Variants in AKAP6 observed in about 807,000 individuals in gnomAD.
AKAP6 encodes A-kinase anchoring protein 6.
A neutral mutation model predicts 188.5 loss-of-function variants in AKAP6; 58 were observed. The ratio of observed to expected loss-of-function variants is 0.31; its 90% CI spans 0.25 to 0.38. The LOEUF is 0.38. Among genes scored for constraint, AKAP6 ranks in the 10% least tolerant of loss-of-function variants. AKAP6 has a pLI of 1.00. For missense variants in AKAP6, 2,710 were observed against 2,740.0 expected (o/e 0.99, Z 0.24); for synonymous variants, 989 against 998.6 (o/e 0.99, Z 0.18).
chr14:32,585,972 A>G (rs141179576), intron 5 of AKAP6, among the ~76,000 whole-genome samples: 236 of 152,242 alleles, frequency 1.6e-3, no homozygotes, highest in African/African-American at 5.6e-3. Flanking sequence ...TCTGGGGGCA[A>G]TGGGGACTCA....
chr14:32,388,808 T>A (rs994888957), intron 1 of AKAP6, among the ~76,000 whole-genome samples: 1 of 152,162 alleles, frequency 6.6e-6, no homozygotes, highest in Admixed American at 6.5e-5. Flanking sequence ...CATGCACTGT[T>A]GAATAGAATG....
chr14:32,366,538 A>G (rs182716412), intron 1 of AKAP6, among the ~76,000 whole-genome samples: 50 of 152,300 alleles, frequency 3.3e-4, no homozygotes, highest in Admixed American at 1.9e-3. Flanking sequence ...TTAGAATACT[A>G]TTGTGAGAGT....
At chr14:32,763,238 TTC>T (rs1234778108) in intron 11 of AKAP6, among the ~76,000 whole-genome samples, 2 of 152,260 alleles carry the variant, frequency 1.3e-5, no homozygotes, top group South Asian at 2.1e-4. Flanking sequence ...CATTCTCTGT[TTC>T]TGACTTGCAA....
intron 1 of AKAP6, among the ~76,000 whole-genome samples, chr14:32,368,162 G>T (rs929157094): frequency 6.6e-6 from 1 of 151,826 alleles, no homozygotes; most frequent in Non-Finnish European, 1.5e-5. Context: ...CCTCCTGATT[G>T]CTTTTCTCTG....
chr14:32,698,082 T>C lies in AKAP6; in HGVS notation c.3000+1972T>C, dbSNP rs58047426. On this transcript the variant is annotated intron_variant, in intron 9 of 13. Transcript: ENST00000280979. ...AAACCAGTAGAAAATGCTGCTAGTC[T>C]GTAGGGTCTTTCTTTATGTGCACTC... Among the ~76,000 whole-genome samples, 386 of 152,270 alleles carry C rather than the reference T, an allele frequency of 2.5e-3. 2 individuals carry two copies. The highest frequency in any genetic ancestry group is 9.0e-3 in the African/African-American group (372 of 41,560).
intron 1 of AKAP6, among the ~76,000 whole-genome samples, chr14:32,338,036 G>A (rs1886770430): frequency 6.6e-6 from 1 of 151,418 alleles, no homozygotes; most frequent in Non-Finnish European, 1.5e-5. Context: ...AACAAGACAC[G>A]TTTTACTCTG....
At position 32,559,147 on chromosome 14, in the gene AKAP6, G is replaced by A. The variant is rs548139537; in HGVS notation, c.2346+12148G>A. On this transcript the variant is annotated intron_variant, in intron 4 of 13. Transcript: ENST00000280979. ...AATGAGTAGTTAAGGGAATGAGTAA[G>A]TGAACGTATCATTGAGTTTGAACTT... Among the ~76,000 whole-genome samples the A allele has an allele frequency of 3.3e-5, 5 of 152,320 alleles. No homozygotes were observed. In the South Asian group the frequency reaches 1.0e-3, roughly 32 times the overall value.
intron 12 of AKAP6, among the ~76,000 whole-genome samples, chr14:32,812,394 A>C (rs1409644047): frequency 6.6e-6 from 1 of 152,018 alleles, no homozygotes; most frequent in African/African-American, 2.4e-5. Flanking sequence ...ATTTTTAAAA[A>C]ATTCATTTTA....
intron 2 of AKAP6, among the ~76,000 whole-genome samples, chr14:32,461,340 A>G (rs1479993899): frequency 6.6e-6 from 1 of 152,190 alleles, no homozygotes; most frequent in Non-Finnish European, 1.5e-5. Context: ...GGCTAACATC[A>G]GGCCAGTGCC....
chr14:32,774,770 A>G (rs1324584549), intron 12 of AKAP6, among the ~76,000 whole-genome samples: 1 of 152,186 alleles, frequency 6.6e-6, no homozygotes, highest in Non-Finnish European at 1.5e-5. Flanking sequence ...ACATACATAC[A>G]TACATAGAAT....
intron 2 of AKAP6, among the ~76,000 whole-genome samples, chr14:32,502,986 T>G (rs1047113950): frequency 6.6e-6 from 1 of 152,170 alleles, no homozygotes; most frequent in African/African-American, 2.4e-5. Context: ...ATATAGTATA[T>G]GCATTTGGAA....
chr14:32,635,203 G>A (rs190772321), intron 7 of AKAP6, among the ~76,000 whole-genome samples: 1 of 152,006 alleles, frequency 6.6e-6, no homozygotes, highest in Non-Finnish European at 1.5e-5. Context: ...GAAACTCTGG[G>A]AATCAATTTA....
At chr14:32,608,859 G>A (rs770972361) in intron 7 of AKAP6, among the ~76,000 whole-genome samples, 8 of 152,152 alleles carry the variant, frequency 5.3e-5, no homozygotes, top group Non-Finnish European at 8.8e-5. Context: ...AGCATTTTGT[G>A]CTAGGTAGTG....
chr14:32,706,348 T>A (rs1204600942), intron 9 of AKAP6, among the ~76,000 whole-genome samples: 1 of 152,132 alleles, frequency 6.6e-6, no homozygotes, highest in Non-Finnish European at 1.5e-5. Context: ...AGCCCCCAAA[T>A]GTTCTTAAGC....
intron 11 of AKAP6, among the ~76,000 whole-genome samples, chr14:32,752,523 C>T (rs1045878864): frequency 2.0e-5 from 3 of 152,120 alleles, no homozygotes; most frequent in Non-Finnish European, 2.9e-5. Context: ...AAGAATTGAA[C>T]ATATTTACAG....
chr14:32,357,850 T>C (rs1310952812), intron 1 of AKAP6, among the ~76,000 whole-genome samples: 1 of 152,238 alleles, frequency 6.6e-6, no homozygotes, highest in Non-Finnish European at 1.5e-5. Context: ...CCGTGTGTAA[T>C]GCACAATCTG....
intron 2 of AKAP6, among the ~76,000 whole-genome samples, chr14:32,503,691 T>A (rs544497216): frequency 1.3e-5 from 2 of 152,138 alleles, no homozygotes; most frequent in Non-Finnish European, 2.9e-5. Flanking sequence ...AATACTCATG[T>A]ATATATATTT....
chr14:32,757,881 A>C (rs150603425), intron 11 of AKAP6, among the ~76,000 whole-genome samples: 3 of 151,672 alleles, frequency 2.0e-5, no homozygotes, highest in African/African-American at 7.3e-5. Flanking sequence ...ATAAGTGACT[A>C]TAAAATGAGA....
In AKAP6 at chr14:32,692,864, C is replaced by G. The variant is rs117439946; in HGVS notation, c.2880-3126C>G. Among the ~76,000 whole-genome samples the G allele has an allele frequency of 1.6e-3, 239 of 152,176 alleles. 5 individuals are homozygous for G. The East Asian group carries it at 0.037, about 24-fold the overall frequency. On this transcript the variant is annotated intron_variant, in intron 8 of 13. Coordinates refer to ENST00000280979, the MANE Select transcript of AKAP6 (RefSeq NM_004274.5). ...TTGCCAATTGATCATTTTTATGAGG[C>G]ACCCTACACTCACACTTTCCTAGAA...
Sources: gnomAD v4.1 joint callset for allele counts (sites outside exome capture counted in the v4.1 genomes callset) on GRCh38, gnomAD v4.1.1 for gene constraint, MANE v1.5 for transcripts, NCBI Gene and HGNC (gene_info 2026-07-23, HGNC 2026-07-21) for gene names.